Variants in RGS6 observed in about 807,000 individuals in gnomAD.
RGS6 encodes regulator of G-protein signaling 6.
Under a neutral mutation model 78.5 loss-of-function variants are expected in RGS6, and 30 were observed. That is an observed-to-expected ratio of 0.38 (90% confidence interval 0.29 to 0.52). The LOEUF (loss-of-function observed/expected upper bound fraction) is 0.52. Ranked by LOEUF, RGS6 falls within the 20% of genes least tolerant of loss-of-function variation. RGS6 has a pLI of 0.85. For missense variants in RGS6, 495 were observed against 609.7 expected (o/e 0.81, Z 1.98); for synonymous variants, 206 against 206.0 (o/e 1.00, Z 0.00).
In RGS6 at chr14:72,418,395, G is replaced by C. The variant is rs527865854; in HGVS notation, c.185-36133G>C. On this transcript the variant is annotated intron_variant, in intron 3 of 17. Coordinates refer to ENST00000553525, the MANE Select transcript of RGS6 (RefSeq NM_001204424.2). ...CTAGCCAGACTGGTCTCAAACTCCT[G>C]ACCTCAAGCAATCCACTTACCTTGG... Among the ~76,000 whole-genome samples, 3 of 152,152 alleles carry C rather than the reference G, an allele frequency of 2.0e-5. No individual in the cohort carries two copies. In the South Asian group the frequency reaches 6.2e-4, roughly 32 times the overall value.
chr14:72,398,640 T>C (rs558745746), intron 3 of RGS6, among the ~76,000 whole-genome samples: 6 of 152,320 alleles, frequency 3.9e-5, no homozygotes, highest in Non-Finnish European at 8.8e-5. Flanking sequence ...TTAATTGTGA[T>C]GTTAGGGTGT....
the RGS6 span, among the ~76,000 whole-genome samples, chr14:72,623,789 C>G: frequency 1.3e-5 from 2 of 152,256 alleles, no homozygotes; most frequent in East Asian, 3.9e-4. Context: ...CAATGACTAA[C>G]AGCAAAATTA....
At chr14:71,897,810 C>T in the RGS6 span, among the ~76,000 whole-genome samples, 7 of 152,142 alleles carry the variant, frequency 4.6e-5, no homozygotes, top group African/African-American at 7.2e-5. Flanking sequence ...TGAGCCACCG[C>T]GCCCGGCCCC....
intron 3 of RGS6, among the ~76,000 whole-genome samples, chr14:72,371,302 G>A (rs1038844225): frequency 5.3e-5 from 8 of 151,880 alleles, no homozygotes; most frequent in Non-Finnish European, 8.8e-5. Flanking sequence ...TCTAAATGTC[G>A]CATTAATTCA....
intron 2 of RGS6, among the ~76,000 whole-genome samples, chr14:72,300,312 G>T (rs538817041): frequency 5.3e-5 from 8 of 152,180 alleles, no homozygotes; most frequent in African/African-American, 1.9e-4. Context: ...GAAACTTGAG[G>T]CTCAGAAAGG....
At chr14:71,971,238 T>C (rs552241116) in intron 2 of RGS6, among the ~76,000 whole-genome samples, 2 of 152,272 alleles carry the variant, frequency 1.3e-5, no homozygotes, top group Admixed American at 1.3e-4. Flanking sequence ...GAGGACTACA[T>C]TTACAGGGCT....
intron 13 of RGS6, among the ~76,000 whole-genome samples, chr14:72,504,802 G>A (rs1041584803): frequency 2.0e-5 from 3 of 151,080 alleles, no homozygotes; most frequent in Admixed American, 6.6e-5. Flanking sequence ...CACCCAGGCT[G>A]GAGTGCAGTG....
chr14:72,256,659 C>A (rs762859538), intron 2 of RGS6, among the ~76,000 whole-genome samples: 2 of 152,106 alleles, frequency 1.3e-5, no homozygotes, highest in African/African-American at 4.8e-5. Flanking sequence ...CTATTATCAT[C>A]CTTGCTTTAA....
intron 2 of RGS6, among the ~76,000 whole-genome samples, chr14:71,973,846 C>G (rs1160448409): frequency 6.6e-6 from 1 of 152,126 alleles, no homozygotes; most frequent in African/African-American, 2.4e-5. Context: ...AAGAAAAGCT[C>G]CCCCATCACA....
Position 72,541,528 on chromosome 14 carries a change from T to C in RGS6, c.1422+1434T>C, listed in dbSNP as rs184082432. Reference sequence around the variant, plus strand: ...TCTATCTTCATGGCTGCTTTGCCAATGGCCGTGTGGCTCCGCACACCAAGA... The same window carrying C: ...TCTATCTTCATGGCTGCTTTGCCAACGGCCGTGTGGCTCCGCACACCAAGA... On this transcript the variant is annotated intron_variant, in intron 17 of 17. Transcript: ENST00000553525. The C allele has an allele frequency of 7.6e-4, 1,163 of 1,535,712 alleles. 6 individuals are homozygous for C. In the African/African-American group the frequency reaches 0.013, roughly 17 times the overall value.
intron 3 of RGS6, among the ~76,000 whole-genome samples, chr14:72,399,692 T>C (rs1406627052): frequency 6.6e-6 from 1 of 152,168 alleles, no homozygotes. Flanking sequence ...CCATGTTTAG[T>C]GCTTCCTTCA....
chr14:72,451,611 T>C (rs2095495169), intron 3 of RGS6, among the ~76,000 whole-genome samples: 2 of 152,122 alleles, frequency 1.3e-5, no homozygotes, highest in African/African-American at 4.8e-5. Flanking sequence ...AGGGCTGTCA[T>C]TGTCCCAGGG....
At chr14:71,989,253 T>C (rs550055034) in intron 2 of RGS6, among the ~76,000 whole-genome samples, 81 of 152,386 alleles carry the variant, frequency 5.3e-4, no homozygotes, top group African/African-American at 1.6e-3. Context: ...GGGCCTCCCC[T>C]GTAAGTGGGA....
intron 3 of RGS6, among the ~76,000 whole-genome samples, chr14:72,433,503 A>G (rs1460458966): frequency 6.6e-6 from 1 of 152,116 alleles, no homozygotes; most frequent in Non-Finnish European, 1.5e-5. Flanking sequence ...AAATGAAAAT[A>G]AAAATTAAAA....
At chr14:72,589,144 G>T in the RGS6 span, among the ~76,000 whole-genome samples, 1 of 151,698 alleles carries the variant, frequency 6.6e-6, no homozygotes, top group Non-Finnish European at 1.5e-5. Flanking sequence ...AAAACCAACT[G>T]CCATTTCCAC....
intron 2 of RGS6, among the ~76,000 whole-genome samples, chr14:72,337,224 C>A (rs1426154950): frequency 6.6e-6 from 1 of 151,256 alleles, no homozygotes; most frequent in East Asian, 1.9e-4. Context: ...GAACTGACTC[C>A]CACCCCCATC....
intron 3 of RGS6, among the ~76,000 whole-genome samples, chr14:72,366,573 C>G (rs2082484707): frequency 6.6e-6 from 1 of 152,174 alleles, no homozygotes; most frequent in Non-Finnish European, 1.5e-5. Flanking sequence ...AAGTCACATA[C>G]AAACCATCTC....
intron 3 of RGS6, among the ~76,000 whole-genome samples, chr14:72,445,497 T>A (rs1441835508): frequency 2.9e-5 from 4 of 139,484 alleles, no homozygotes; most frequent in Non-Finnish European, 4.7e-5. Flanking sequence ...TTTTTTTTTT[T>A]AACAGTATCA....
chr14:72,629,171 T>C, the RGS6 span, among the ~76,000 whole-genome samples: 1 of 152,196 alleles, frequency 6.6e-6, no homozygotes, highest in South Asian at 2.1e-4. Flanking sequence ...GAGATACATA[T>C]GAAGTAGTTA....
Sources: allele counts gnomAD v4.1 joint callset (sites outside exome capture counted in the v4.1 genomes callset), GRCh38; gene constraint gnomAD v4.1.1; transcripts MANE v1.5; gene names NCBI Gene and HGNC (gene_info 2026-07-23, HGNC 2026-07-21).